ANK3: variants seen among roughly 807,000 people sequenced by gnomAD.
The protein encoded by ANK3 is ankyrin 3.
ANK3 carries 57 observed loss-of-function variants against 370.9 expected under a neutral mutation model. That is an observed-to-expected ratio of 0.15 (90% CI 0.12 to 0.19). ANK3 has a LOEUF of 0.19. Ranked by LOEUF, ANK3 falls within the 10% of genes least tolerant of loss-of-function variation. The pLI is 1.00. For missense variants in ANK3, 4,439 were observed against 5,302.1 expected (o/e 0.84, Z 5.06); for synonymous variants, 1,929 against 1,946.3 (o/e 0.99, Z 0.23).
intron 1 of ANK3, among the ~76,000 whole-genome samples, chr10:60,380,222 C>T (rs1285789057): frequency 6.6e-6 from 1 of 152,100 alleles, no homozygotes; most frequent in African/African-American, 2.4e-5. Context: ...ATCTACATCC[C>T]GTTCTGTAAT....
intron 2 of ANK3, among the ~76,000 whole-genome samples, chr10:60,500,696 C>T (rs1771128935): frequency 6.6e-6 from 1 of 152,166 alleles, no homozygotes; most frequent in East Asian, 1.9e-4. Context: ...TGGGCCCTGC[C>T]TCATCCTTAA....
chr10:60,722,158 A>T (rs2079873351), intron 1 of ANK3, among the ~76,000 whole-genome samples: 1 of 152,096 alleles, frequency 6.6e-6, no homozygotes, highest in Admixed American at 6.5e-5. Context: ...CAGCTTTTCA[A>T]TCCACCAAGA....
intron 2 of ANK3, among the ~76,000 whole-genome samples, chr10:60,486,825 G>A (rs2075361684): frequency 6.6e-6 from 1 of 152,048 alleles, no homozygotes; most frequent in South Asian, 2.1e-4. Context: ...ACTAAAAAAT[G>A]TGTCCCTCCA....
chr10:60,207,815 G>T (rs916694544), intron 10 of ANK3, among the ~76,000 whole-genome samples: 2 of 152,134 alleles, frequency 1.3e-5, no homozygotes, highest in African/African-American at 2.4e-5. Flanking sequence ...AATCACTTAT[G>T]TGACCATAAA....
intron 23 of ANK3, among the ~76,000 whole-genome samples, chr10:60,163,871 A>G (rs1386881729): frequency 6.6e-6 from 1 of 152,128 alleles, no homozygotes; most frequent in Non-Finnish European, 1.5e-5. Context: ...AGCTGCTGTT[A>G]TTCTTTAGTG....
At chr10:60,562,994 T>C (rs2077374212) in intron 2 of ANK3, among the ~76,000 whole-genome samples, 1 of 152,162 alleles carries the variant, frequency 6.6e-6, no homozygotes, top group Non-Finnish European at 1.5e-5. Flanking sequence ...TCAGAAAATA[T>C]ATACCAGAGT....
intron 1 of ANK3, among the ~76,000 whole-genome samples, chr10:60,381,565 T>G (rs2061550300): frequency 6.6e-6 from 1 of 152,114 alleles, no homozygotes; most frequent in South Asian, 2.1e-4. Flanking sequence ...TAATTTCGAG[T>G]GCTTATAAGG....
chr10:60,123,585 T>C (rs1034648221), intron 25 of ANK3, among the ~76,000 whole-genome samples: 1 of 152,182 alleles, frequency 6.6e-6, no homozygotes, highest in African/African-American at 2.4e-5. Context: ...CCTCCAGTGT[T>C]AGATGACATG....
At chr10:60,330,499 C>G (rs527583140) in intron 1 of ANK3, among the ~76,000 whole-genome samples, 1 of 152,002 alleles carries the variant, frequency 6.6e-6, no homozygotes, top group African/African-American at 2.4e-5. Context: ...GACATTTATG[C>G]GGCCAACAAA....
At chr10:60,063,050 C>T (rs887602847) in intron 40 of ANK3, 61 bp downstream of exon 40, 4 of 1,519,370 alleles carry the variant, frequency 2.6e-6, no homozygotes, top group Non-Finnish European at 3.5e-6. Context: ...ACTGCCTTGT[C>T]TGACTGCACT....
intron 28 of ANK3, among the ~76,000 whole-genome samples, chr10:60,105,599 A>G (rs2092055585): frequency 6.6e-6 from 1 of 152,182 alleles, no homozygotes; most frequent in Admixed American, 6.5e-5. Flanking sequence ...ACTTTCCATT[A>G]TTATTTCACC....
At position 60,438,432 on chromosome 10, in the gene ANK3, C is replaced by A. The variant is rs149788399; in HGVS notation, c.97-158793G>T. ...AAATTTACTCTCCCACCTTCCCGCT[C>A]CTCTGCTAAATCCCTTTGAAGACCT... On this transcript the variant is annotated intron_variant, in intron 2 of 43. Coordinates refer to the ANK3 transcript ENST00000373827. 4.4e-3 allele frequency among the ~76,000 whole-genome samples: 675 copies of A among 152,238 alleles called. 3 individuals carry two copies. The highest frequency in any genetic ancestry group is 0.016 in the African/African-American group (654 of 41,522).
intron 1 of ANK3, among the ~76,000 whole-genome samples, chr10:60,707,774 T>G (rs1202104464): frequency 6.6e-6 from 1 of 152,114 alleles, no homozygotes; most frequent in East Asian, 1.9e-4. Flanking sequence ...AACAAAAACT[T>G]CATTCCAGAA....
chr10:60,193,761 G>T (rs2096537633), intron 16 of ANK3, among the ~76,000 whole-genome samples: 1 of 152,018 alleles, frequency 6.6e-6, no homozygotes, highest in South Asian at 2.1e-4. Context: ...CTCATCCAAG[G>T]AAAAAATAGT....
At chr10:60,589,809 T>A (rs966923065) in intron 2 of ANK3, among the ~76,000 whole-genome samples, 1 of 152,254 alleles carries the variant, frequency 6.6e-6, no homozygotes, top group South Asian at 2.1e-4. Context: ...CACCATTTTT[T>A]AAATGTACTA....
intron 1 of ANK3, among the ~76,000 whole-genome samples, chr10:60,325,506 T>C (rs1022999506): frequency 6.6e-6 from 1 of 152,218 alleles, no homozygotes; most frequent in Non-Finnish European, 1.5e-5. Flanking sequence ...GTAAGATGGT[T>C]TGGATCAAAC....
At chr10:60,664,500 C>T (rs542735946) in intron 1 of ANK3, among the ~76,000 whole-genome samples, 2 of 152,256 alleles carry the variant, frequency 1.3e-5, no homozygotes, top group East Asian at 3.9e-4. Context: ...CCAGATGGTC[C>T]TATTGTAAGC....
At chr10:60,360,197 C>A (rs571027783) in intron 1 of ANK3, among the ~76,000 whole-genome samples, 1 of 152,138 alleles carries the variant, frequency 6.6e-6, no homozygotes, top group Non-Finnish European at 1.5e-5. Context: ...GAGACAACTG[C>A]GCTTTTAGGC....
intron 24 of ANK3, among the ~76,000 whole-genome samples, chr10:60,134,722 T>C (rs1474144579): frequency 6.6e-6 from 1 of 152,228 alleles, no homozygotes; most frequent in Non-Finnish European, 1.5e-5. Context: ...TATGTTAGAA[T>C]GTCTCCTCTT....
Sources: allele counts gnomAD v4.1 joint callset (sites outside exome capture counted in the v4.1 genomes callset), GRCh38; gene constraint gnomAD v4.1.1; transcripts MANE v1.5; gene names NCBI Gene and HGNC (gene_info 2026-07-23, HGNC 2026-07-21).